Variants in PUDP observed in about 807,000 individuals in gnomAD.
The protein encoded by PUDP is pseudouridine 5'-phosphatase, also known as pseudouridine-5'-phosphatase.
PUDP carries 8 observed loss-of-function variants against 9.4 expected under a neutral mutation model. The ratio of observed to expected loss-of-function variants is 0.85; its 90% CI spans 0.50 to 1.53. PUDP has a LOEUF of 1.53. PUDP is among the 40% of genes most tolerant of loss of function. PUDP has a pLI of 0.00. For missense variants in PUDP, 188 were observed against 189.7 expected (o/e 0.99, Z 0.05); for synonymous variants, 99 against 80.7 (o/e 1.23, Z -1.22).
intron 3 of PUDP, among the ~76,000 whole-genome samples, chrX:7,062,140 A>G (rs1251087368): frequency 8.9e-6 from 1 of 112,182 alleles, no homozygotes; most frequent in Non-Finnish European, 1.9e-5. Flanking sequence ...TGTTAGACAT[A>G]TTTTTAGGAA....
chrX:6,768,963 A>T (rs1182075117), intron 3 of PUDP, among the ~76,000 whole-genome samples: 1 of 111,986 alleles, frequency 8.9e-6, no homozygotes, highest in Non-Finnish European at 1.9e-5. Context: ...CAAAGGCTGC[A>T]CTCCACCAAA....
At chrX:6,946,053 C>A (rs953713241) in intron 3 of PUDP, among the ~76,000 whole-genome samples, 1 of 111,401 alleles carries the variant, frequency 9.0e-6, no homozygotes, top group Non-Finnish European at 1.9e-5. Context: ...CCCGATGCTG[C>A]CCCTACCCTT....
intron 2 of PUDP, among the ~76,000 whole-genome samples, chrX:7,085,825 AG>A (rs770301095): frequency 9.0e-6 from 1 of 111,496 alleles, no homozygotes; most frequent in South Asian, 3.8e-4. Flanking sequence ...TTTCTCCACA[AG>A]GCCCCCACAC....
At chrX:6,869,416 G>A (rs754397020) in intron 3 of PUDP, among the ~76,000 whole-genome samples, 85 of 111,525 alleles carry the variant, frequency 7.6e-4, no homozygotes, top group Middle Eastern at 4.6e-3. Flanking sequence ...ACTTTCTTGC[G>A]CCTGGGCTGG....
chrX:7,144,450 CTA>C (rs781462685), intron 1 of PUDP, among the ~76,000 whole-genome samples: 24 of 112,170 alleles, frequency 2.1e-4, no homozygotes, highest in African/African-American at 7.8e-4. Context: ...CACACTCACG[CTA>C]TGTCTGTGGA....
At chrX:6,912,566 G>T (rs1438291865) in intron 3 of PUDP, among the ~76,000 whole-genome samples, 1 of 111,806 alleles carries the variant, frequency 8.9e-6, no homozygotes, top group African/African-American at 3.2e-5. Context: ...ACCATCTCTA[G>T]CATGTTAGCA....
At chrX:6,804,178 A>G (rs919329678) in intron 3 of PUDP, among the ~76,000 whole-genome samples, 1 of 111,239 alleles carries the variant, frequency 9.0e-6, no homozygotes, top group African/African-American at 3.3e-5. Flanking sequence ...CACCAGGCAC[A>G]TGCATGTATC....
intron 3 of PUDP, among the ~76,000 whole-genome samples, chrX:6,835,385 T>C (rs1926566570): frequency 9.0e-6 from 1 of 111,404 alleles, no homozygotes; most frequent in African/African-American, 3.3e-5. Flanking sequence ...AGCAACGTCA[T>C]AGCCAACTTC....
chrX:6,717,155 G>T (rs1181232329), intron 1 of PUDP, among the ~76,000 whole-genome samples: 1 of 111,781 alleles, frequency 8.9e-6, no homozygotes, highest in Non-Finnish European at 1.9e-5. Flanking sequence ...CGGTAGGAGA[G>T]AATGCAAGTA....
At chrX:6,898,410 T>C (rs973754678) in intron 3 of PUDP, among the ~76,000 whole-genome samples, 86 of 112,684 alleles carry the variant, frequency 7.6e-4, no homozygotes, top group African/African-American at 2.4e-3. Flanking sequence ...CCAAACACAA[T>C]TGCTGATTTT....
At chrX:6,837,039 T>C (rs1394799810) in intron 3 of PUDP, among the ~76,000 whole-genome samples, 1 of 112,622 alleles carries the variant, frequency 8.9e-6, no homozygotes, top group Non-Finnish European at 1.9e-5. Context: ...TGGGCACCAA[T>C]GAGCGCATTT....
chrX:7,067,875 G>A (rs982522083), intron 3 of PUDP, among the ~76,000 whole-genome samples: 25 of 111,298 alleles, frequency 2.2e-4, no homozygotes, highest in African/African-American at 7.9e-4. Flanking sequence ...TGCTGTTCTC[G>A]TGATAGTGAG....
chrX:6,790,764 C>T lies in PUDP; in HGVS notation c.*248-84298G>A, dbSNP rs929118352. Among the ~76,000 whole-genome samples, 6 of 112,166 alleles carry T rather than the reference C, an allele frequency of 5.3e-5. No homozygotes were observed. The East Asian group carries it at 1.4e-3, about 26-fold the overall frequency. On this transcript the variant is annotated intron_variant and NMD_transcript_variant, in intron 3 of 3. Coordinates refer to the PUDP transcript ENST00000655425. ...AACAATATTCACATAACAGGTGGGG[C>T]ACAATGATTGACTAAGAGACGGCAT...
At chrX:6,710,758 G>C (rs1473890875) in intron 1 of PUDP, among the ~76,000 whole-genome samples, 1 of 112,057 alleles carries the variant, frequency 8.9e-6, no homozygotes, top group Non-Finnish European at 1.9e-5. Flanking sequence ...ATAACTGTGT[G>C]CCAAAGGTCT....
chrX:6,790,524 A>G (rs1925727521), intron 3 of PUDP, among the ~76,000 whole-genome samples: 2 of 112,726 alleles, frequency 1.8e-5, no homozygotes, highest in African/African-American at 6.4e-5. Context: ...TTTAGTAAAT[A>G]AAAATTCAGA....
intron 2 of PUDP, among the ~76,000 whole-genome samples, chrX:7,093,563 C>T (rs1386474534): frequency 2.7e-5 from 3 of 111,754 alleles, no homozygotes; most frequent in Non-Finnish European, 5.6e-5. Flanking sequence ...CTCGTCCTGA[C>T]TGCAGTGTGC....
intron 1 of PUDP, among the ~76,000 whole-genome samples, chrX:6,979,043 T>A (rs1159299779): frequency 9.8e-6 from 1 of 101,951 alleles, no homozygotes; most frequent in African/African-American, 3.3e-5. Context: ...TGGCTGAGGG[T>A]TGTTTCTCGA....
intron 1 of PUDP, among the ~76,000 whole-genome samples, chrX:7,005,400 T>TATC (rs1430794477): frequency 1.9e-5 from 2 of 104,355 alleles, no homozygotes; most frequent in Non-Finnish European, 4.0e-5. Flanking sequence ...AAATTTGCCA[T>TATC]ATTATTATTA....
chrX:6,899,293 G>A (rs1362998606), intron 3 of PUDP, among the ~76,000 whole-genome samples: 1 of 112,829 alleles, frequency 8.9e-6, no homozygotes, highest in Non-Finnish European at 1.9e-5. Context: ...TGGTAAGATT[G>A]TTATTGTGGG....
Sources: gnomAD v4.1 joint callset for allele counts (sites outside exome capture counted in the v4.1 genomes callset) on GRCh38, gnomAD v4.1.1 for gene constraint, MANE v1.5 for transcripts, NCBI Gene and HGNC (gene_info 2026-07-23, HGNC 2026-07-21) for gene names.